The following ITSN1 variants were observed in gnomAD, a reference collection of about 807,000 sequenced individuals.
ITSN1 encodes the protein intersectin 1.
ITSN1 carries 58 observed loss-of-function variants against 239.8 expected under a neutral mutation model. The observed-to-expected ratio is 0.24, with a 90% CI of 0.20 to 0.30. ITSN1 has a LOEUF of 0.30. Ranked by LOEUF, ITSN1 falls within the 10% of genes least tolerant of loss-of-function variation. The pLI is 1.00. For synonymous variants in ITSN1, 780 were observed against 770.8 expected (o/e 1.01, Z -0.20); for missense variants, 1,558 against 2,103.3 (o/e 0.74, Z 5.07).
Position 33,771,156 on chromosome 21 carries a change from G to A in ITSN1, c.1043-905G>A, listed in dbSNP as rs773274968. ...CAAGAAAACCAAAACATACTTGCCC[G>A]CTTTCATCTCTAATCGCTGACTACA... On this transcript the variant is annotated intron_variant, in intron 11 of 39. Transcript: ENST00000381318. Among the ~76,000 whole-genome samples the A allele has an allele frequency of 5.3e-5, 8 of 152,168 alleles. No individual in the cohort carries two copies. In the South Asian group the frequency reaches 8.3e-4, roughly 16 times the overall value.
chr21:33,803,667 A>G (rs114156724), intron 20 of ITSN1, among the ~76,000 whole-genome samples: 2,246 of 152,328 alleles, frequency 0.015, 49 homozygotes, highest in African/African-American at 0.052. Context: ...GCAGTAAAGA[A>G]GGGGCTTTCG....
At position 33,888,250 on chromosome 21, in the gene ITSN1, A is replaced by C; in HGVS notation, c.5116A>C (p.Thr1706Pro). Residue 1706 changes from threonine to proline, a missense_variant, in exon 40 of 40, where the codon ACG (threonine) becomes CCG (proline). By Grantham distance (38) the Thr-to-Pro change is conservative. This residue lies in a region of ITSN1 where 576 missense variants were observed against 893.3 expected (regional missense o/e 0.64). Coordinates refer to ENST00000381318, the MANE Select transcript of ITSN1 (RefSeq NM_003024.3). ...GTGTCTTCTGCTGCACGAAGTCCCC[A>C]CGGGAGAGATTGTGGTCCGCTTGGA... Reference protein sequence around the residue: ...TKCLLLHEVPTGEIVVRLDLQ... With the variant: ...TKCLLLHEVPPGEIVVRLDLQ... 6.2e-7 allele frequency: 1 copy of C among 1,614,026 alleles called. No homozygotes were observed. The highest frequency in any genetic ancestry group is 8.5e-7 in the Non-Finnish European group (1 of 1,179,990).
At chr21:33,784,117 G>T (rs1384526987) in intron 16 of ITSN1, among the ~76,000 whole-genome samples, 5 of 151,828 alleles carry the variant, frequency 3.3e-5, no homozygotes, top group Non-Finnish European at 5.9e-5. Flanking sequence ...ATTTCTTCTT[G>T]TTTTTTAATT....
chr21:33,705,739 C>T (rs969931468), intron 1 of ITSN1, among the ~76,000 whole-genome samples: 2 of 152,006 alleles, frequency 1.3e-5, no homozygotes, highest in African/African-American at 4.8e-5. Flanking sequence ...GAAAATTTTG[C>T]TTAATCTAAA....
chr21:33,748,724 G>A (rs1020637686), intron 5 of ITSN1, among the ~76,000 whole-genome samples: 22 of 151,590 alleles, frequency 1.5e-4, no homozygotes, highest in African/African-American at 4.8e-4. Context: ...ATGAAACTGG[G>A]TGTAGGGATG....
chr21:33,721,066 A>G (rs893022965), intron 2 of ITSN1, 112 bp from the exon 3 acceptor site: 2 of 665,694 alleles, frequency 3.0e-6, no homozygotes, highest in Middle Eastern at 2.5e-4. Context: ...GAATTTATCA[A>G]GTCTTTATAA....
intron 20 of ITSN1, among the ~76,000 whole-genome samples, chr21:33,810,108 A>G (rs1265910767): frequency 1.3e-5 from 2 of 152,170 alleles, no homozygotes; most frequent in African/African-American, 2.4e-5. Flanking sequence ...TAAATTTCCC[A>G]ATAGCAAATG....
chr21:33,737,844 C>G (rs1170255468), intron 5 of ITSN1, among the ~76,000 whole-genome samples: 1 of 152,014 alleles, frequency 6.6e-6, no homozygotes, highest in African/African-American at 2.4e-5. Flanking sequence ...AAAGTGTTGG[C>G]ATTACAGGAT....
Position 33,875,275 on chromosome 21 carries a change from C to T in ITSN1, c.4174-79C>T. The T allele has an allele frequency of 2.0e-6, 3 of 1,529,034 alleles. No homozygotes were observed. In the South Asian group the frequency reaches 3.4e-5, roughly 17 times the overall value. The allele number at this position is 1,529,034 out of a possible 1,614,324, so 94.7% of individuals were successfully genotyped here. On this transcript the variant is annotated intron_variant, in intron 33 of 39. Transcript: ENST00000381318. ...AAGGATGGTGCCCTGCCCCGCTGGGCCTGGTCCTGCAGGACCCTGGATCAC... is the reference window on the plus strand; with the variant it reads ...AAGGATGGTGCCCTGCCCCGCTGGGTCTGGTCCTGCAGGACCCTGGATCAC...
chr21:33,781,420 C>A, intron 14 of ITSN1, 41 bp from the exon 15 acceptor site: 1 of 1,080,882 alleles, frequency 9.3e-7, no homozygotes, highest in Non-Finnish European at 1.4e-6. Flanking sequence ...ATGTGGTAGC[C>A]TTCCCTGTCA....
intron 29 of ITSN1, chr21:33,838,348 G>A: frequency 1.0e-6 from 1 of 985,322 alleles, no homozygotes; most frequent in Non-Finnish European, 1.2e-6. Flanking sequence ...AGAGAGCGAG[G>A]ACCTCTCCTC....
intron 1 of ITSN1, among the ~76,000 whole-genome samples, chr21:33,698,157 C>T (rs1388558359): frequency 6.6e-6 from 1 of 152,144 alleles, no homozygotes; most frequent in African/African-American, 2.4e-5. Flanking sequence ...TTAAAATCTG[C>T]CTATTGAAGC....
intron 29 of ITSN1, among the ~76,000 whole-genome samples, chr21:33,847,510 G>T (rs528406807): frequency 6.6e-6 from 1 of 152,344 alleles, no homozygotes; most frequent in East Asian, 1.9e-4. Flanking sequence ...GAAGGTCACC[G>T]TACATCGCTG....
At chr21:33,869,716 T>C (rs1329159155) in intron 33 of ITSN1, among the ~76,000 whole-genome samples, 1 of 152,218 alleles carries the variant, frequency 6.6e-6, no homozygotes. Flanking sequence ...GTTTTAGATC[T>C]GGTTCCTTTT....
chr21:33,742,483 A>G (rs888776629), intron 5 of ITSN1, among the ~76,000 whole-genome samples: 1 of 152,240 alleles, frequency 6.6e-6, no homozygotes, highest in African/African-American at 2.4e-5. Context: ...TGCACTTGAA[A>G]CAGGAGAACC....
At chr21:33,719,136 A>T (rs1311040764) in intron 2 of ITSN1, among the ~76,000 whole-genome samples, 3 of 152,172 alleles carry the variant, frequency 2.0e-5, no homozygotes, top group African/African-American at 7.2e-5. Flanking sequence ...CCATTATCAC[A>T]TCTATAAAAA....
chr21:33,744,960 A>G (rs1601961810), intron 5 of ITSN1, among the ~76,000 whole-genome samples: 2 of 152,372 alleles, frequency 1.3e-5, no homozygotes, highest in Admixed American at 6.5e-5. Context: ...GAGCTGTACA[A>G]CTGGATAGCC....
intron 1 of ITSN1, among the ~76,000 whole-genome samples, chr21:33,705,380 C>T (rs139765057): frequency 1.3e-3 from 196 of 152,092 alleles, no homozygotes; most frequent in African/African-American, 2.7e-3. Flanking sequence ...TTAAAACCTA[C>T]ATTTTTTCTT....
chr21:33,653,764 C>T (rs944482605), intron 1 of ITSN1, among the ~76,000 whole-genome samples: 8 of 152,012 alleles, frequency 5.3e-5, no homozygotes, highest in South Asian at 4.1e-4. Flanking sequence ...CCTCGTGATC[C>T]GCCCGTCTCG....
Sources: gnomAD v4.1 joint callset for allele counts (sites outside exome capture counted in the v4.1 genomes callset) on GRCh38, gnomAD v4.1.1 for gene constraint, gnomAD v4.1.1 regional missense constraint, MANE v1.5 for transcripts, NCBI Gene and HGNC (gene_info 2026-07-23, HGNC 2026-07-21) for gene names.